The following TBC1D4 variants were observed in gnomAD, a reference collection of about 807,000 sequenced individuals.
TBC1D4 encodes the protein TBC1 domain family member 4.
In TBC1D4, 121 loss-of-function variants were observed where a neutral mutation model predicts 142.5. That is an observed-to-expected ratio of 0.85 (90% CI 0.73 to 0.99). The LOEUF (loss-of-function observed/expected upper bound fraction) is 0.99. Ranked by LOEUF, TBC1D4 falls within the 50% of genes least tolerant of loss-of-function variation. TBC1D4 has a pLI of 0.00. For synonymous variants in TBC1D4, 630 were observed against 628.2 expected (o/e 1.00, Z -0.04); for missense variants, 1,475 against 1,606.6 (o/e 0.92, Z 1.40).
At chr13:75,417,193 C>T (rs1885956669) in intron 1 of TBC1D4, among the ~76,000 whole-genome samples, 1 of 152,174 alleles carries the variant, frequency 6.6e-6, no homozygotes. Flanking sequence ...ATGCCAGGCT[C>T]TACTTGCTGC....
chr13:75,317,695 C>T (rs1002712232), intron 12 of TBC1D4, among the ~76,000 whole-genome samples: 1 of 152,192 alleles, frequency 6.6e-6, no homozygotes, highest in Non-Finnish European at 1.5e-5. Context: ...TCTGTGCCAG[C>T]ATTACCTCTA....
At chr13:75,346,121 T>G (rs563820548) in intron 5 of TBC1D4, among the ~76,000 whole-genome samples, 1 of 152,352 alleles carries the variant, frequency 6.6e-6, no homozygotes, top group Non-Finnish European at 1.5e-5. Context: ...TTGGAAACTC[T>G]CTGCAACTTT....
intron 3 of TBC1D4, among the ~76,000 whole-genome samples, chr13:75,358,786 C>T (rs1320070993): frequency 1.3e-5 from 2 of 152,068 alleles, no homozygotes; most frequent in Non-Finnish European, 2.9e-5. Flanking sequence ...ATTGCTTGAG[C>T]CGGAAAGGTC....
In TBC1D4 at chr13:75,341,110, G is replaced by A; in HGVS notation, c.1611+15C>T. 1 of 1,579,200 alleles carries A rather than the reference G, an allele frequency of 6.3e-7. No individual in the cohort carries two copies. The highest frequency in any genetic ancestry group is 8.6e-7 in the Non-Finnish European group (1 of 1,158,836). The stretch of plus-strand genomic sequence containing the variant: ...ACAACAACAAAAGTAGGTGAAGTAG[G>A]AAATATCTTCTCACAGAAGGGCCTT... On this transcript the variant is annotated intron_variant, in intron 7 of 20. Coordinates refer to ENST00000377636, the MANE Select transcript of TBC1D4 (RefSeq NM_014832.5).
intron 1 of TBC1D4, among the ~76,000 whole-genome samples, chr13:75,388,353 T>C (rs1027203473): frequency 2.2e-4 from 33 of 152,190 alleles, no homozygotes; most frequent in African/African-American, 6.8e-4. Context: ...ACTCAAAAAA[T>C]TGTGCAAATG....
rs4883993 is a variant in TBC1D4 at position 75,294,562 on chromosome 13, T to C, written c.3316+292A>G. ...ACACAGTCTGTCCCTAGTCCAGATTTTAGGAGTATACTCTCTGATTTTTAG... is the reference window on the plus strand; with the variant it reads ...ACACAGTCTGTCCCTAGTCCAGATTCTAGGAGTATACTCTCTGATTTTTAG... On this transcript the variant is annotated intron_variant, in intron 18 of 20. Coordinates refer to ENST00000377636, the MANE Select transcript of TBC1D4 (RefSeq NM_014832.5). 0.6 allele frequency among the ~76,000 whole-genome samples: 90,545 copies of C among 152,020 alleles called. 27,677 individuals carry two copies. Among genetic ancestry groups the C allele is most frequent in the Non-Finnish European group, 0.63 (42,930 of 67,970 alleles).
At chr13:75,377,713 TA>T (rs1883597855) in intron 1 of TBC1D4, among the ~76,000 whole-genome samples, 2 of 148,920 alleles carry the variant, frequency 1.3e-5, no homozygotes, top group Admixed American at 1.3e-4. Flanking sequence ...TATATATATA[TA>T]TATTTTCTGA....
rs543032491 is a variant in TBC1D4 at position 75,464,332 on chromosome 13, A to G, written c.498+16938T>C. On this transcript the variant is annotated intron_variant, in intron 1 of 20. Coordinates refer to ENST00000377636, the MANE Select transcript of TBC1D4 (RefSeq NM_014832.5). ...AACGAGGGCAAGGAACACTTGGCCCATGCTGGGTGGAAAACCACTTAAGGC... is the reference window on the plus strand; with the variant it reads ...AACGAGGGCAAGGAACACTTGGCCCGTGCTGGGTGGAAAACCACTTAAGGC... Among the ~76,000 whole-genome samples the G allele has an allele frequency of 3.9e-4, 59 of 152,368 alleles. 1 individual carries two copies. The highest frequency in any genetic ancestry group is 3.4e-3 in the Admixed American group (52 of 15,310).
chr13:75,344,729 C>T (rs372180178), intron 5 of TBC1D4, among the ~76,000 whole-genome samples: 5 of 151,844 alleles, frequency 3.3e-5, no homozygotes, highest in East Asian at 1.9e-4. Flanking sequence ...CAAGGACAGA[C>T]GATGAAGGCT....
intron 11 of TBC1D4, among the ~76,000 whole-genome samples, 173 bp from the exon 12 acceptor site, chr13:75,320,210 T>C (rs903152362): frequency 6.6e-6 from 1 of 151,884 alleles, no homozygotes; most frequent in Non-Finnish European, 1.5e-5. Context: ...AAGAGAAATA[T>C]AGAACAAAAA....
At chr13:75,329,896 G>C (rs1388858709) in intron 8 of TBC1D4, among the ~76,000 whole-genome samples, 1 of 152,114 alleles carries the variant, frequency 6.6e-6, no homozygotes, top group African/African-American at 2.4e-5. Context: ...TGTCTGACCT[G>C]CTGTTTCTCT....
At chr13:75,312,490 C>T (rs1390031940) in intron 13 of TBC1D4, among the ~76,000 whole-genome samples, 2 of 151,376 alleles carry the variant, frequency 1.3e-5, no homozygotes, top group African/African-American at 4.9e-5. Context: ...ATCACAGTTC[C>T]GTCTACCTTG....
chr13:75,381,833 C>T (rs1317143890), intron 1 of TBC1D4, among the ~76,000 whole-genome samples: 4 of 152,178 alleles, frequency 2.6e-5, no homozygotes, highest in African/African-American at 9.7e-5. Flanking sequence ...GATCCAAACA[C>T]ACAAAATAAT....
chr13:75,481,165 G>A (rs1888848851), intron 1 of TBC1D4, 105 bp downstream of exon 1: 2 of 1,462,922 alleles, frequency 1.4e-6, no homozygotes, highest in Admixed American at 4.5e-5. Context: ...CGCGCCTGCA[G>A]CCAAACCTCA....
chr13:75,318,731 T>A (rs1878514252), intron 12 of TBC1D4, among the ~76,000 whole-genome samples: 1 of 152,182 alleles, frequency 6.6e-6, no homozygotes, highest in African/African-American at 2.4e-5. Flanking sequence ...ATATATAGTA[T>A]TTGACCTATG....
rs763815183 is a variant in TBC1D4 at position 75,362,389 on chromosome 13, G to A, written c.717C>T (p.Ile239=). The A allele has an allele frequency of 3.7e-6, 6 of 1,614,104 alleles. No homozygotes were observed. Among genetic ancestry groups the A allele is most frequent in the Non-Finnish European group, 5.1e-6 (6 of 1,180,050 alleles). ...GGTCCGGACCGCGCTGCTCCCCTTG[G>A]ATCTTCAGGCGCTGCTGTTCGTGCA... ...FSLHEQQRLK[I]QGEQRGPDPG... The change falls in exon 2 of 21, where the codon ATC becomes ATT. Residue 239 remains isoleucine (I), a synonymous_variant. Coordinates refer to ENST00000377636, the MANE Select transcript of TBC1D4 (RefSeq NM_014832.5). The surrounding 1 kb of genome is among the most constrained non-coding windows in gnomAD (Gnocchi z 4.2).
Position 75,481,926 on chromosome 13 carries a change from G to T in TBC1D4, c.-159C>A. 9.4e-7 allele frequency: 1 copy of T among 1,062,262 alleles called. No homozygotes were observed. The highest frequency in any genetic ancestry group is 1.2e-6 in the Non-Finnish European group (1 of 817,292). 65.8% of individuals were successfully genotyped at this position (1,062,262 alleles called of 1,614,324 possible). On this transcript the variant is annotated 5_prime_UTR_variant, in exon 1 of 21. Coordinates refer to ENST00000377636, the MANE Select transcript of TBC1D4 (RefSeq NM_014832.5). ...CCGAACTCCGCGCTTCAGCAGCCCT[G>T]CCCCATGCAGCACTTCCACGGGCGC...
intron 1 of TBC1D4, among the ~76,000 whole-genome samples, chr13:75,400,908 C>A (rs1885058900): frequency 6.6e-6 from 1 of 152,136 alleles, no homozygotes; most frequent in Admixed American, 6.5e-5. Context: ...CAGCAATGAG[C>A]ACTCCAGAGA....
At chr13:75,394,686 T>C (rs903491977) in intron 1 of TBC1D4, among the ~76,000 whole-genome samples, 1 of 152,244 alleles carries the variant, frequency 6.6e-6, no homozygotes, top group Non-Finnish European at 1.5e-5. Flanking sequence ...TTAAAAAGTA[T>C]GTGGTTAGCT....
Sources: allele counts gnomAD v4.1 joint callset (sites outside exome capture counted in the v4.1 genomes callset), GRCh38; gene constraint gnomAD v4.1.1; non-coding constraint Gnocchi (gnomAD v3.1); transcripts MANE v1.5; gene names NCBI Gene and HGNC (gene_info 2026-07-23, HGNC 2026-07-21).